ITSN2: variants seen among roughly 807,000 people sequenced by gnomAD.
ITSN2 encodes the protein intersectin-2.
A neutral mutation model predicts 243.7 loss-of-function variants in ITSN2; 156 were observed. The observed-to-expected ratio is 0.64, with a 90% CI of 0.56 to 0.73. The LOEUF is 0.73. Ranked by LOEUF, ITSN2 falls within the 30% of genes least tolerant of loss-of-function variation. The pLI is 0.00. For synonymous variants in ITSN2, 703 were observed against 699.9 expected, an observed-to-expected ratio of 1.00 and a Z score of -0.07; for missense variants, 1,801 against 1,996.1, an observed-to-expected ratio of 0.90 and a Z score of 1.86.
In ITSN2 at chr2:24,293,741, T is replaced by C. The variant is rs757396773; in HGVS notation, c.1670A>G (p.Glu557Gly). ...AATTCTTTCATTTAATAATTGCTTC[T>C]CAGGTACCAGATAGATAAGCTTATT... is the stretch of plus-strand genomic sequence containing the variant. ...YQNKLIYLVP[E>G]KQLLNERIKN... The change falls in exon 15 of 40, where the codon GAG becomes GGG. Residue 557 changes from glutamate (E) to glycine (G), a missense_variant. By Grantham distance (98) the Glu-to-Gly change is moderately conservative. Around this residue, in one of 5 missense-constraint regions of ITSN2, gnomAD observed 787 missense variants for 803.9 expected, o/e 0.98. Transcript: ENST00000355123. 1 of 1,211,146 alleles carries C rather than the reference T, an allele frequency of 8.3e-7. No individual in the cohort carries two copies. The highest frequency in any genetic ancestry group is 1.2e-6 in the Non-Finnish European group (1 of 855,970). 75.0% of individuals were successfully genotyped at this position (1,211,146 alleles called of 1,614,324 possible). A position where few individuals can be genotyped will look rare whatever the true frequency, so the allele number is the denominator to read the frequency against.
chr2:24,300,613 G>A (rs1336491241), intron 11 of ITSN2, among the ~76,000 whole-genome samples: 1 of 152,048 alleles, frequency 6.6e-6, no homozygotes, highest in African/African-American at 2.4e-5. Context: ...CAGCTACTCA[G>A]GAGGCTGAGA....
chr2:24,313,994 A>G (rs1398762962), intron 3 of ITSN2, among the ~76,000 whole-genome samples: 1 of 152,188 alleles, frequency 6.6e-6, no homozygotes, highest in African/African-American at 2.4e-5. Context: ...GTTTGTAATG[A>G]GCAATCTTAA....
chr2:24,302,758 C>A (rs1681945000), intron 9 of ITSN2, among the ~76,000 whole-genome samples: 1 of 152,186 alleles, frequency 6.6e-6, no homozygotes, highest in Non-Finnish European at 1.5e-5. Context: ...CCTACCAAAT[C>A]ACATTTACCT....
intron 7 of ITSN2, among the ~76,000 whole-genome samples, chr2:24,309,397 C>T (rs1171022369): frequency 2.6e-5 from 4 of 152,160 alleles, no homozygotes; most frequent in African/African-American, 7.2e-5. Context: ...CAGGGTTTCA[C>T]CATGTTGCCC....
chr2:24,318,902 G>A lies in ITSN2; in HGVS notation c.32-3678C>T, dbSNP rs182966796. ...GGCAAGTGAGCACTACCACCTGAGC[G>A]GCACCTCCTGTCAGATCAGTGGCAG... is the stretch of plus-strand genomic sequence containing the variant. On this transcript the variant is annotated intron_variant, in intron 2 of 39. Transcript: ENST00000355123. Among the ~76,000 whole-genome samples the A allele has an allele frequency of 4.6e-5, 7 of 152,248 alleles. No homozygotes were observed. The South Asian group carries it at 1.0e-3, about 23-fold the overall frequency.
chr2:24,203,696 T>C lies in ITSN2; in HGVS notation c.5024A>G (p.His1675Arg), dbSNP rs749808043. The C allele has an allele frequency of 3.1e-6, 5 of 1,614,218 alleles. No homozygotes were observed. The South Asian group carries it at 4.4e-5, about 14-fold the overall frequency. The change falls in exon 40 of 40, where the codon CAT (histidine) becomes CGT (arginine). Residue 1675 changes from histidine (H) to arginine (R), a missense_variant. Physicochemically the swap from His to Arg is conservative, Grantham distance 29. This residue lies in a region of ITSN2 where 928 missense variants were observed against 1,065.4 expected (regional missense o/e 0.87). Coordinates refer to ENST00000355123, the MANE Select transcript of ITSN2 (RefSeq NM_006277.3). ...CCAGACCTCCCCGGTGGGGACCTCA[T>C]GCAGCAGCAGTCGGCGGGTCATAGG... is the stretch of plus-strand genomic sequence containing the variant. ...KGPMTRRLLL[H>R]EVPTGEVWVR...
chr2:24,329,130 A>T (rs941904292), intron 1 of ITSN2, among the ~76,000 whole-genome samples: 1 of 152,244 alleles, frequency 6.6e-6, no homozygotes, highest in African/African-American at 2.4e-5. Flanking sequence ...GGTGTTCAAC[A>T]AATGGCTGCT....
At chr2:24,339,330 G>C (rs1261161413) in intron 1 of ITSN2, among the ~76,000 whole-genome samples, 1 of 151,910 alleles carries the variant, frequency 6.6e-6, no homozygotes, top group Non-Finnish European at 1.5e-5. Flanking sequence ...AATTAGCCGG[G>C]TGTGGCGGTG....
intron 2 of ITSN2, chr2:24,326,556 T>C (rs531085206): frequency 3.0e-5 from 5 of 167,784 alleles, no homozygotes; most frequent in Non-Finnish European, 5.9e-5. Flanking sequence ...ATTTTAAACT[T>C]ACATGTATCA....
intron 1 of ITSN2, among the ~76,000 whole-genome samples, chr2:24,359,559 T>G (rs2151966935): frequency 6.6e-6 from 1 of 152,304 alleles, no homozygotes; most frequent in East Asian, 1.9e-4. Context: ...CGGAGCATCT[T>G]TCTATAGAAT....
chr2:24,204,471 G>T lies in ITSN2; in HGVS notation c.4763-53C>A. On this transcript the variant is annotated intron_variant, in intron 38 of 39. Coordinates refer to ENST00000355123, the MANE Select transcript of ITSN2 (RefSeq NM_006277.3). This position sits in a 1 kb window ranked among gnomAD's most constrained non-coding sequence, Gnocchi z 5.1. ...GTGGTGCATGCAGGTAAAACGAAGC[G>T]ACTGACAGTGCCCTCCCTGAGCAGA... The T allele has an allele frequency of 6.6e-7, 1 of 1,510,394 alleles. No individual in the cohort carries two copies. Among genetic ancestry groups the T allele is most frequent in the Non-Finnish European group, 9.2e-7 (1 of 1,085,988 alleles). The allele number at this position is 1,510,394 out of a possible 1,614,324, so 93.6% of individuals were successfully genotyped here.
At position 24,333,213 on chromosome 2, in the gene ITSN2, T is replaced by G. The variant is rs531370612; in HGVS notation, c.-33-5098A>C. Among the ~76,000 whole-genome samples the G allele has an allele frequency of 2.0e-5, 3 of 152,306 alleles. No homozygotes were observed. The East Asian group carries it at 5.8e-4, about 29-fold the overall frequency. On this transcript the variant is annotated intron_variant, in intron 1 of 39. Coordinates refer to ENST00000355123, the MANE Select transcript of ITSN2 (RefSeq NM_006277.3). The stretch of plus-strand genomic sequence containing the variant: ...CTCTTCCTCTCTTAAATGGAGATAA[T>G]GCGTCACAGGTTCCTACAAACAGCA...
At position 24,328,083 on chromosome 2, in the gene ITSN2, G is replaced by T; in HGVS notation, c.-1C>A. The T allele has an allele frequency of 6.2e-7, 1 of 1,613,604 alleles. No homozygotes were observed. The highest frequency in any genetic ancestry group is 8.5e-7 in the Non-Finnish European group (1 of 1,179,790). Reference sequence around the variant, plus strand: ...TAGCTGTGGGAAACTGAGCCATCATGGTCCTGAGTTTTCCTTGCTAGCTCT... The same window carrying T: ...TAGCTGTGGGAAACTGAGCCATCATTGTCCTGAGTTTTCCTTGCTAGCTCT... On this transcript the variant is annotated 5_prime_UTR_variant, in exon 2 of 40. Coordinates refer to ENST00000355123, the MANE Select transcript of ITSN2 (RefSeq NM_006277.3).
At chr2:24,258,525 C>T (rs968157482) in intron 22 of ITSN2, among the ~76,000 whole-genome samples, 1 of 152,120 alleles carries the variant, frequency 6.6e-6, no homozygotes, top group Non-Finnish European at 1.5e-5. Context: ...CTCTTAACTT[C>T]CTCCTATTCT....
At position 24,310,473 on chromosome 2, in the gene ITSN2, G is replaced by A. The variant is rs1683119623; in HGVS notation, c.556+16C>T. 6.2e-7 allele frequency: 1 copy of A among 1,612,068 alleles called. No homozygotes were observed. The highest frequency in any genetic ancestry group is 1.7e-5 in the Admixed American group (1 of 59,980). ...CTTTACATGAAATAATGACTCTTTAGAAACAAAGTACTCACTTGAAGAAGA... is the reference window on the plus strand; with the variant it reads ...CTTTACATGAAATAATGACTCTTTAAAAACAAAGTACTCACTTGAAGAAGA... On this transcript the variant is annotated intron_variant, in intron 6 of 39. Coordinates refer to ENST00000355123, the MANE Select transcript of ITSN2 (RefSeq NM_006277.3).
chr2:24,304,256 C>T (rs937056893), intron 8 of ITSN2, among the ~76,000 whole-genome samples: 1 of 152,162 alleles, frequency 6.6e-6, no homozygotes, highest in South Asian at 2.1e-4. Context: ...AAGAGTCAGG[C>T]GCTACTCTGG....
At chr2:24,259,279 T>C (rs576314499) in intron 22 of ITSN2, among the ~76,000 whole-genome samples, 1 of 152,366 alleles carries the variant, frequency 6.6e-6, no homozygotes, top group South Asian at 2.1e-4. Flanking sequence ...CAATGGATTA[T>C]CTATTTAATA....
chr2:24,287,817 A>G (rs560495889), intron 15 of ITSN2, among the ~76,000 whole-genome samples: 1 of 152,190 alleles, frequency 6.6e-6, no homozygotes, highest in African/African-American at 2.4e-5. Context: ...CCCTTTTTAA[A>G]TATCTCTTTA....
intron 16 of ITSN2, 38 bp from the exon 17 acceptor site, chr2:24,284,881 G>C: frequency 2.3e-6 from 2 of 852,708 alleles, no homozygotes; most frequent in Non-Finnish European, 3.7e-6. Flanking sequence ...ATTAAACTAC[G>C]TACAGAATTT....
Sources: allele counts gnomAD v4.1 joint callset (sites outside exome capture counted in the v4.1 genomes callset), GRCh38; gene constraint gnomAD v4.1.1; regional missense constraint gnomAD v4.1.1; non-coding constraint Gnocchi (gnomAD v3.1); transcripts MANE v1.5; gene names NCBI Gene and HGNC (gene_info 2026-07-23, HGNC 2026-07-21).